Variants in CACNA1C observed in about 807,000 individuals in gnomAD.
The protein encoded by CACNA1C is calcium voltage-gated channel subunit alpha1 C, also known as voltage-dependent L-type calcium channel subunit alpha-1C.
A neutral mutation model predicts 229.0 loss-of-function variants in CACNA1C; 30 were observed. That is an observed-to-expected ratio of 0.13 (90% CI 0.10 to 0.18). CACNA1C has a LOEUF of 0.18. CACNA1C is among the 10% of genes least tolerant of loss of function. The pLI, the probability that CACNA1C is intolerant of heterozygous loss-of-function variation, is 1.00. For synonymous variants in CACNA1C, 1,114 were observed against 1,132.5 expected (o/e 0.98, Z 0.33); for missense variants, 1,658 against 2,845.0 (o/e 0.58, Z 9.49).
In CACNA1C at chr12:2,181,557, TTTTA is replaced by T. The variant is rs1211420706; in HGVS notation, c.477+61131_477+61134del. On this transcript the variant is annotated intron_variant, in intron 3 of 46. Coordinates refer to ENST00000399655, the MANE Select transcript of CACNA1C (RefSeq NM_000719.7). This position sits in a 1 kb window ranked among gnomAD's most constrained non-coding sequence, Gnocchi z 4.0. ...ATGCCCATGAAAACAAATCCAGGTG[TTTTA>T]TTTTATTCTTGTTGCCATCAGAACT... is the stretch of plus-strand genomic sequence containing the variant. 6.6e-6 allele frequency among the ~76,000 whole-genome samples: 1 copy of T among 152,158 alleles called. No individual in the cohort carries two copies. The highest frequency in any genetic ancestry group is 1.5e-5 in the Non-Finnish European group (1 of 68,020).
At chr12:2,251,290 G>C (rs764009288) in intron 3 of CACNA1C, among the ~76,000 whole-genome samples, 1 of 152,120 alleles carries the variant, frequency 6.6e-6, no homozygotes, top group Non-Finnish European at 1.5e-5. Context: ...ATGTCTCCTG[G>C]GATCGTGACC....
At chr12:2,117,311 A>G (rs1421331373) in intron 2 of CACNA1C, among the ~76,000 whole-genome samples, 1 of 152,238 alleles carries the variant, frequency 6.6e-6, no homozygotes, top group Non-Finnish European at 1.5e-5. Context: ...GAGCCCCTCA[A>G]CTTAAAAGTA....
intron 3 of CACNA1C, among the ~76,000 whole-genome samples, chr12:2,151,290 T>C (rs1184854708): frequency 5.3e-5 from 8 of 150,662 alleles, no homozygotes; most frequent in Non-Finnish European, 1.5e-5. Context: ...TGCCCAGGTC[T>C]GAATAAAATT....
At chr12:2,018,326 G>C (rs956913729) in intron 1 of CACNA1C, 12 of 152,240 alleles carry the variant, frequency 7.9e-5, no homozygotes, top group African/African-American at 2.9e-4. Flanking sequence ...GAAGGAAGGA[G>C]TTTTTGAGTA....
chr12:2,617,617 T>G (rs2081291653), intron 29 of CACNA1C, among the ~76,000 whole-genome samples: 1 of 152,206 alleles, frequency 6.6e-6, no homozygotes, highest in Non-Finnish European at 1.5e-5. Flanking sequence ...TAGGACTGGT[T>G]TCTGCTCTTA....
In CACNA1C at chr12:2,648,327, G is replaced by A. The variant is rs2094553374; in HGVS notation, c.3913-148G>A. ...CACTCATGGGGACGCCCCAGGACCT[G>A]CCAGGCCTACGCTTTCACGTTTCTT... On this transcript the variant is annotated intron_variant, in intron 30 of 46. Coordinates refer to ENST00000399655, the MANE Select transcript of CACNA1C (RefSeq NM_000719.7). The A allele has an allele frequency of 2.4e-5, 18 of 740,520 alleles. No homozygotes were observed. In the South Asian group the frequency reaches 2.9e-4, roughly 12 times the overall value. 45.9% of individuals were successfully genotyped at this position (740,520 alleles called of 1,614,324 possible). A position where few individuals can be genotyped will look rare whatever the true frequency, so the allele number is the denominator to read the frequency against.
At chr12:2,143,510 A>T (rs1597192660) in intron 3 of CACNA1C, among the ~76,000 whole-genome samples, 1 of 151,108 alleles carries the variant, frequency 6.6e-6, no homozygotes, top group African/African-American at 2.4e-5. Context: ...GTTTAGATAC[A>T]CAAATACTTA....
chr12:2,442,809 G>A (rs2099241983), intron 3 of CACNA1C, among the ~76,000 whole-genome samples: 1 of 152,176 alleles, frequency 6.6e-6, no homozygotes, highest in African/African-American at 2.4e-5. Flanking sequence ...AATGGAGCAG[G>A]GAGGTGCCAC....
chr12:2,249,295 TC>T (rs2074601513), intron 3 of CACNA1C, among the ~76,000 whole-genome samples: 1 of 152,134 alleles, frequency 6.6e-6, no homozygotes, highest in East Asian at 1.9e-4. Context: ...ACAGGCCACA[TC>T]CGGCCTGCCA....
intron 1 of CACNA1C, among the ~76,000 whole-genome samples, chr12:2,093,052 T>G (rs1444531751): frequency 6.6e-6 from 1 of 152,162 alleles, no homozygotes; most frequent in Non-Finnish European, 1.5e-5. Flanking sequence ...CAGAGGCCAG[T>G]CAACCGCTTT....
At chr12:2,453,666 A>G (rs1455047248) in intron 4 of CACNA1C, among the ~76,000 whole-genome samples, 1 of 151,454 alleles carries the variant, frequency 6.6e-6, no homozygotes, top group Non-Finnish European at 1.5e-5. Flanking sequence ...CTCCTTTCTC[A>G]CCACCCCGCT....
At position 2,285,069 on chromosome 12, in the gene CACNA1C, C is replaced by A. The variant is rs1299654473; in HGVS notation, c.478-163907C>A. Among the ~76,000 whole-genome samples the A allele has an allele frequency of 6.6e-6, 1 of 152,196 alleles. No individual in the cohort carries two copies. The highest frequency in any genetic ancestry group is 1.5e-5 in the Non-Finnish European group (1 of 68,030). ...AGTGGTGCCTGGCATCTCTCCTGCT[C>A]TCTGGGAGGAGGGACGGGCCGCTAA... On this transcript the variant is annotated intron_variant, in intron 3 of 46. Coordinates refer to ENST00000399655, the MANE Select transcript of CACNA1C (RefSeq NM_000719.7). The surrounding 1 kb of genome is among the most constrained non-coding windows in gnomAD (Gnocchi z 4.2).
At chr12:2,115,590 G>C (rs774534044) in intron 2 of CACNA1C, 45 bp downstream of exon 2, 1 of 1,583,934 alleles carries the variant, frequency 6.3e-7, no homozygotes, top group South Asian at 1.1e-5. Context: ...GGACCTGCAC[G>C]CTGGGTCCAG....
intron 1 of CACNA1C, among the ~76,000 whole-genome samples, chr12:2,015,641 AG>A (rs906435710): frequency 2.4e-4 from 37 of 152,354 alleles, no homozygotes; most frequent in African/African-American, 8.4e-4. Context: ...TTTAAAAAGA[AG>A]CCCCATGGCC....
In CACNA1C at chr12:2,493,897, T is replaced by G. The variant is rs2099741343; in HGVS notation, c.1113+511T>G. Among the ~76,000 whole-genome samples, 1 of 152,244 alleles carries G rather than the reference T, an allele frequency of 6.6e-6. No homozygotes were observed. Among genetic ancestry groups the G allele is most frequent in the Admixed American group, 6.5e-5 (1 of 15,288 alleles). ...CATGCTATTCAATTTTTACTTTTTA[T>G]TTTACTCTTACCTTAACATATTAGA... On this transcript the variant is annotated intron_variant, in intron 7 of 46. Coordinates refer to ENST00000399655, the MANE Select transcript of CACNA1C (RefSeq NM_000719.7). The surrounding 1 kb of genome is among the most constrained non-coding windows in gnomAD (Gnocchi z 4.6).
At position 2,181,556 on chromosome 12, in the gene CACNA1C, G is replaced by C. The variant is rs1290254363; in HGVS notation, c.477+61126G>C. 6.6e-6 allele frequency among the ~76,000 whole-genome samples: 1 copy of C among 152,156 alleles called. No homozygotes were observed. On this transcript the variant is annotated intron_variant, in intron 3 of 46. Transcript: ENST00000399655. The surrounding 1 kb of genome is among the most constrained non-coding windows in gnomAD (Gnocchi z 4.0). ...CATGCCCATGAAAACAAATCCAGGT[G>C]TTTTATTTTATTCTTGTTGCCATCA...
chr12:1,986,369 A>G (rs111801225), intron 1 of CACNA1C, among the ~76,000 whole-genome samples: 4,164 of 152,208 alleles, frequency 0.027, 97 homozygotes, highest in Middle Eastern at 0.051. Context: ...CAGTCTTCCG[A>G]CTACAAAGTC....
chr12:2,118,768 A>G (rs1374155397), intron 2 of CACNA1C, among the ~76,000 whole-genome samples: 3 of 152,128 alleles, frequency 2.0e-5, no homozygotes, highest in Non-Finnish European at 4.4e-5. Flanking sequence ...GCAGAATGTA[A>G]AAGCTTAGTC....
At chr12:2,404,003 C>G (rs549720503) in intron 3 of CACNA1C, among the ~76,000 whole-genome samples, 8 of 152,342 alleles carry the variant, frequency 5.3e-5, no homozygotes, top group African/African-American at 1.4e-4. Context: ...TGGGCTCCGT[C>G]CAGCCAGGCA....
Sources: gnomAD v4.1 joint callset for allele counts (sites outside exome capture counted in the v4.1 genomes callset) on GRCh38, gnomAD v4.1.1 for gene constraint, Gnocchi (gnomAD v3.1) non-coding constraint, MANE v1.5 for transcripts, NCBI Gene and HGNC (gene_info 2026-07-23, HGNC 2026-07-21) for gene names.